RALYL: variants seen among roughly 807,000 people sequenced by gnomAD.
RALYL encodes RNA-binding Raly-like protein.
A neutral mutation model predicts 35.1 loss-of-function variants in RALYL; 29 were observed. The observed-to-expected ratio is 0.83, with a 90% confidence interval of 0.61 to 1.13. The LOEUF (loss-of-function observed/expected upper bound fraction) is 1.13. Ranked by LOEUF, RALYL falls within the 50% of genes most tolerant of loss-of-function variation. The probability of loss-of-function intolerance (pLI) is 0.00; values close to 1 mark genes in which losing one functional copy is unlikely to be tolerated. For synonymous variants in RALYL, 120 were observed against 127.6 expected (o/e 0.94, Z 0.40); for missense variants, 359 against 360.4 (o/e 1.00, Z 0.03).
At chr8:84,523,407 A>G (rs1469312598) in intron 1 of RALYL, among the ~76,000 whole-genome samples, 2 of 152,120 alleles carry the variant, frequency 1.3e-5, no homozygotes, top group Non-Finnish European at 2.9e-5. Flanking sequence ...CCCATAATAC[A>G]TACAGATTAT....
intron 1 of RALYL, among the ~76,000 whole-genome samples, chr8:84,420,880 G>A (rs1307213971): frequency 3.7e-5 from 4 of 107,906 alleles, no homozygotes; most frequent in Non-Finnish European, 5.4e-5. Context: ...TATTTCTGAG[G>A]GCTCTGTTCT....
intron 1 of RALYL, among the ~76,000 whole-genome samples, chr8:84,400,106 ACT>A (rs1460107000): frequency 1.3e-5 from 2 of 151,602 alleles, no homozygotes; most frequent in Non-Finnish European, 2.9e-5. Flanking sequence ...ACAGAGTGAG[ACT>A]CTGTCTCAAA....
chr8:84,578,615 G>C (rs1012080473), intron 2 of RALYL, among the ~76,000 whole-genome samples: 1 of 152,142 alleles, frequency 6.6e-6, no homozygotes, highest in Non-Finnish European at 1.5e-5. Flanking sequence ...GTCATCCAGA[G>C]TGTCCAGATC....
intron 2 of RALYL, among the ~76,000 whole-genome samples, chr8:84,580,682 G>T (rs1810619338): frequency 6.6e-6 from 1 of 152,038 alleles, no homozygotes; most frequent in Non-Finnish European, 1.5e-5. Context: ...TCTCCTTTCG[G>T]GCTAAACAAT....
chr8:84,327,567 G>T (rs1234139037), intron 1 of RALYL, among the ~76,000 whole-genome samples: 1 of 152,036 alleles, frequency 6.6e-6, no homozygotes, highest in Non-Finnish European at 1.5e-5. Flanking sequence ...ACATCCAGTT[G>T]TTTACCTTAT....
At chr8:84,624,529 T>G (rs1446520181) in intron 2 of RALYL, among the ~76,000 whole-genome samples, 1 of 152,212 alleles carries the variant, frequency 6.6e-6, no homozygotes, top group Non-Finnish European at 1.5e-5. Context: ...TCTGACTGAC[T>G]GCACTTAGAA....
At chr8:84,847,822 T>C (rs1479040631) in intron 4 of RALYL, among the ~76,000 whole-genome samples, 1 of 152,166 alleles carries the variant, frequency 6.6e-6, no homozygotes, top group Non-Finnish European at 1.5e-5. Context: ...GAGTAAGTTC[T>C]TACTTTATAT....
intron 2 of RALYL, among the ~76,000 whole-genome samples, chr8:84,773,816 T>C (rs1176291357): frequency 1.3e-5 from 2 of 152,216 alleles, no homozygotes; most frequent in African/African-American, 4.8e-5. Context: ...GGAAATTTAA[T>C]AAGTCCTCCT....
intron 1 of RALYL, among the ~76,000 whole-genome samples, chr8:84,516,010 G>T (rs112284570): frequency 2.0e-3 from 295 of 151,248 alleles, no homozygotes; most frequent in African/African-American, 6.8e-3. Context: ...TGTGGTGGTC[G>T]GGGGCAGGGT....
intron 2 of RALYL, among the ~76,000 whole-genome samples, chr8:84,588,223 G>T (rs1812421271): frequency 1.3e-5 from 2 of 152,258 alleles, no homozygotes; most frequent in South Asian, 4.1e-4. Context: ...TTAAATTAAG[G>T]AATGTACATG....
chr8:84,263,842 C>T (rs1243917346), intron 1 of RALYL, among the ~76,000 whole-genome samples: 1 of 152,132 alleles, frequency 6.6e-6, no homozygotes, highest in Non-Finnish European at 1.5e-5. Flanking sequence ...TCATCTCCCA[C>T]TTATAAGTGA....
At chr8:84,185,479 C>T (rs181017991) in intron 1 of RALYL, among the ~76,000 whole-genome samples, 34 of 152,236 alleles carry the variant, frequency 2.2e-4, no homozygotes, top group African/African-American at 8.2e-4. Context: ...CATTACTTTT[C>T]AGAGACGTAC....
At chr8:84,864,713 A>G in intron 6 of RALYL, 3 of 555,760 alleles carry the variant, frequency 5.4e-6, no homozygotes, top group South Asian at 1.7e-5. Context: ...CAACCCCAGT[A>G]AGATACTTGA....
chr8:84,362,951 A>G (rs1563792526), intron 1 of RALYL, among the ~76,000 whole-genome samples: 1 of 152,140 alleles, frequency 6.6e-6, no homozygotes. Context: ...CAGTGGGGAA[A>G]TAAGTGTCTG....
chr8:84,228,233 G>A (rs1434822549), intron 1 of RALYL, among the ~76,000 whole-genome samples: 1 of 151,736 alleles, frequency 6.6e-6, no homozygotes, highest in Non-Finnish European at 1.5e-5. Flanking sequence ...TGGGAGATGA[G>A]GGTGGAGGAG....
chr8:84,662,087 G>A lies in RALYL; in HGVS notation c.257-112492G>A, dbSNP rs568656376. On this transcript the variant is annotated intron_variant, in intron 2 of 8. Coordinates refer to ENST00000521268, the MANE Select transcript of RALYL (RefSeq NM_173848.7). Reference sequence around the variant, plus strand: ...TAAAAAAGTTTGAAAGCTATTCAACGTGTGACCTCTTTTCTAGCTCCCTTA... The same window carrying A: ...TAAAAAAGTTTGAAAGCTATTCAACATGTGACCTCTTTTCTAGCTCCCTTA... 4.6e-5 allele frequency among the ~76,000 whole-genome samples: 7 copies of A among 152,152 alleles called. No individual in the cohort carries two copies. The South Asian group carries it at 6.2e-4, about 14-fold the overall frequency.
chr8:84,862,727 C>A (rs754951020), intron 6 of RALYL, among the ~76,000 whole-genome samples: 4 of 152,118 alleles, frequency 2.6e-5, no homozygotes, highest in Non-Finnish European at 2.9e-5. Flanking sequence ...CTTGGCTTAG[C>A]TTGTGATATA....
intron 6 of RALYL, among the ~76,000 whole-genome samples, chr8:84,866,319 T>C (rs899291391): frequency 6.6e-6 from 1 of 152,198 alleles, no homozygotes; most frequent in African/African-American, 2.4e-5. Flanking sequence ...GGAAATCCTT[T>C]AACCCCTATA....
At chr8:84,619,274 G>A (rs1348619487) in intron 2 of RALYL, among the ~76,000 whole-genome samples, 1 of 151,786 alleles carries the variant, frequency 6.6e-6, no homozygotes, top group Admixed American at 6.6e-5. Flanking sequence ...GAATCTGGGT[G>A]CTCCGTGTTG....
Sources: allele counts gnomAD v4.1 joint callset (sites outside exome capture counted in the v4.1 genomes callset), GRCh38; gene constraint gnomAD v4.1.1; transcripts MANE v1.5; gene names NCBI Gene and HGNC (gene_info 2026-07-23, HGNC 2026-07-21).